The following EXT1 variants were observed in gnomAD, a reference collection of about 807,000 sequenced individuals.
The protein encoded by EXT1 is exostosin-1.
EXT1 carries 20 observed loss-of-function variants against 82.5 expected under a neutral mutation model. That is an observed-to-expected ratio of 0.24 (90% CI 0.17 to 0.35). The LOEUF is 0.35. EXT1 is among the 10% of genes least tolerant of loss of function. EXT1 has a pLI of 1.00. For synonymous variants in EXT1, 348 were observed against 350.8 expected, an observed-to-expected ratio of 0.99 and a Z score of 0.09; for missense variants, 757 against 936.5, an observed-to-expected ratio of 0.81 and a Z score of 2.50.
chr8:118,073,743 T>C (rs1031614793), intron 1 of EXT1, among the ~76,000 whole-genome samples: 2 of 151,888 alleles, frequency 1.3e-5, no homozygotes, highest in African/African-American at 4.9e-5. Flanking sequence ...TAATTCCTTA[T>C]GCAGAGAGGG....
At chr8:117,918,419 A>G (rs968128827) in intron 1 of EXT1, among the ~76,000 whole-genome samples, 1 of 152,208 alleles carries the variant, frequency 6.6e-6, no homozygotes, top group African/African-American at 2.4e-5. Flanking sequence ...TGAATGTGCT[A>G]GTCTCCCAAG....
At chr8:118,071,795 G>A (rs1215391731) in intron 1 of EXT1, among the ~76,000 whole-genome samples, 3 of 152,138 alleles carry the variant, frequency 2.0e-5, no homozygotes, top group Non-Finnish European at 2.9e-5. Context: ...TCTTTAGGTA[G>A]AGAATATGAT....
At chr8:117,978,639 A>G (rs1815118247) in intron 1 of EXT1, among the ~76,000 whole-genome samples, 1 of 152,260 alleles carries the variant, frequency 6.6e-6, no homozygotes, top group Non-Finnish European at 1.5e-5. Context: ...AGGAAAGCCC[A>G]GAAAGGTTTC....
chr8:117,798,706 T>C lies in EXT1; in HGVS notation c.*1006A>G, dbSNP rs923002143. ...GAATTTCTACCTTATTACCCCTTTTTCTTTCTCAAAAGAGAAACTCTGAAA... is the reference window on the plus strand; with the variant it reads ...GAATTTCTACCTTATTACCCCTTTTCCTTTCTCAAAAGAGAAACTCTGAAA... On this transcript the variant is annotated 3_prime_UTR_variant, in exon 11 of 11. Transcript: ENST00000378204. 6.6e-6 allele frequency: 1 copy of C among 152,184 alleles called. No individual in the cohort carries two copies. Among genetic ancestry groups the C allele is most frequent in the Admixed American group, 6.5e-5 (1 of 15,280 alleles). 9.4% of individuals were successfully genotyped at this position (152,184 alleles called of 1,614,324 possible).
chr8:117,823,620 A>G (rs529954577), intron 4 of EXT1, among the ~76,000 whole-genome samples: 82 of 152,272 alleles, frequency 5.4e-4, no homozygotes, highest in Admixed American at 3.7e-3. Context: ...ACTATTTTAA[A>G]TGGAGTTTTA....
At chr8:118,013,759 AT>A (rs1815948693) in intron 1 of EXT1, among the ~76,000 whole-genome samples, 1 of 152,214 alleles carries the variant, frequency 6.6e-6, no homozygotes, top group African/African-American at 2.4e-5. Context: ...CTAGTATACT[AT>A]GGTCCACTAT....
chr8:118,001,424 A>C (rs1815662696), intron 1 of EXT1, among the ~76,000 whole-genome samples: 1 of 151,772 alleles, frequency 6.6e-6, no homozygotes, highest in African/African-American at 2.4e-5. Flanking sequence ...ACCTCAAGTG[A>C]TCTGCCTGCC....
At chr8:117,871,974 A>T (rs960210768) in intron 1 of EXT1, among the ~76,000 whole-genome samples, 7 of 152,098 alleles carry the variant, frequency 4.6e-5, no homozygotes, top group South Asian at 2.1e-4. Context: ...AAAATAAAAA[A>T]AATAATAATT....
intron 1 of EXT1, among the ~76,000 whole-genome samples, chr8:118,098,387 A>G (rs542693996): frequency 2.0e-5 from 3 of 152,216 alleles, no homozygotes; most frequent in South Asian, 2.1e-4. Context: ...GGCCAGCCCT[A>G]GCCCTAGGCT....
chr8:117,979,818 T>C (rs896670723), intron 1 of EXT1, among the ~76,000 whole-genome samples: 1 of 152,216 alleles, frequency 6.6e-6, no homozygotes, highest in African/African-American at 2.4e-5. Context: ...CAGCATTTAT[T>C]TGGACCATTG....
chr8:118,045,959 C>T (rs185106112), intron 1 of EXT1, among the ~76,000 whole-genome samples: 2 of 152,072 alleles, frequency 1.3e-5, no homozygotes, highest in East Asian at 3.9e-4. Context: ...CCACACACAG[C>T]TAATTTTTGT....
chr8:118,065,159 G>T (rs936897218), intron 1 of EXT1, among the ~76,000 whole-genome samples: 1 of 152,084 alleles, frequency 6.6e-6, no homozygotes, highest in Non-Finnish European at 1.5e-5. Flanking sequence ...GGCCTTTCCT[G>T]ACTTTTTAGT....
intron 1 of EXT1, among the ~76,000 whole-genome samples, chr8:118,049,006 T>TC (rs566508857): frequency 2.0e-5 from 3 of 151,512 alleles, no homozygotes; most frequent in Admixed American, 6.6e-5. Flanking sequence ...TGATACCCAC[T>TC]CCCCCCAGAA....
chr8:117,896,969 T>C (rs942765776), intron 1 of EXT1, among the ~76,000 whole-genome samples: 2 of 152,114 alleles, frequency 1.3e-5, no homozygotes, highest in Non-Finnish European at 1.5e-5. Context: ...CATGTTTCCC[T>C]TCACCCCCAC....
At chr8:117,983,779 CAAT>C (rs1282283280) in intron 1 of EXT1, among the ~76,000 whole-genome samples, 2 of 152,184 alleles carry the variant, frequency 1.3e-5, no homozygotes, top group African/African-American at 4.8e-5. Context: ...CTAGAGCTAA[CAAT>C]AATTTTTAAG....
intron 1 of EXT1, among the ~76,000 whole-genome samples, chr8:118,054,382 A>G (rs1816762305): frequency 6.6e-6 from 1 of 152,104 alleles, no homozygotes; most frequent in Non-Finnish European, 1.5e-5. Flanking sequence ...TAACTCCTAT[A>G]CAGTCTTCCA....
chr8:117,803,867 A>C (rs1823201955), intron 10 of EXT1, among the ~76,000 whole-genome samples: 1 of 152,232 alleles, frequency 6.6e-6, no homozygotes, highest in Non-Finnish European at 1.5e-5. Flanking sequence ...TTTCCATGTT[A>C]AAGATGAGCC....
At chr8:117,865,237 G>A (rs138798280) in intron 1 of EXT1, among the ~76,000 whole-genome samples, 1 of 152,130 alleles carries the variant, frequency 6.6e-6, no homozygotes, top group Non-Finnish European at 1.5e-5. Flanking sequence ...GTGCAATTAT[G>A]GCTCACTGCA....
At chr8:117,901,982 G>A (rs1464042129) in intron 1 of EXT1, among the ~76,000 whole-genome samples, 1 of 151,748 alleles carries the variant, frequency 6.6e-6, no homozygotes, top group Admixed American at 6.6e-5. Context: ...ATAGGTGTGA[G>A]CCACTGCGCC....
Sources: allele counts gnomAD v4.1 joint callset (sites outside exome capture counted in the v4.1 genomes callset), GRCh38; gene constraint gnomAD v4.1.1; transcripts MANE v1.5; gene names NCBI Gene and HGNC (gene_info 2026-07-23, HGNC 2026-07-21).